ANO6: variants seen among roughly 807,000 people sequenced by gnomAD.
The protein encoded by ANO6 is anoctamin 6, also known as anoctamin-6.
ANO6 carries 106 observed loss-of-function variants against 117.5 expected under a neutral mutation model. The observed-to-expected ratio is 0.90, with a 90% CI of 0.77 to 1.06. ANO6 has a LOEUF of 1.06. Among genes scored for constraint, ANO6 ranks in the 50% least tolerant of loss-of-function variants. The pLI, the probability that ANO6 is intolerant of heterozygous loss-of-function variation, is 0.00. For missense variants in ANO6, 955 were observed against 1,121.1 expected (o/e 0.85, Z 2.12); for synonymous variants, 367 against 385.1 (o/e 0.95, Z 0.55).
chr12:45,293,854 A>T (rs1278162736), intron 1 of ANO6, among the ~76,000 whole-genome samples: 9 of 146,230 alleles, frequency 6.2e-5, no homozygotes, highest in Non-Finnish European at 1.3e-4. Flanking sequence ...AAGTGCTGGG[A>T]TTACAAGCGT....
At chr12:45,415,653 C>T (rs1242577873) in intron 16 of ANO6, among the ~76,000 whole-genome samples, 1 of 152,254 alleles carries the variant, frequency 6.6e-6, no homozygotes, top group African/African-American at 2.4e-5. Context: ...AGTGTTCCTG[C>T]CTGGCCTGTG....
chr12:45,233,226 T>A (rs1472649792), intron 1 of ANO6, among the ~76,000 whole-genome samples: 1 of 152,210 alleles, frequency 6.6e-6, no homozygotes, highest in Admixed American at 6.5e-5. Context: ...TCTCTCAATA[T>A]TTGTTGCCCA....
chr12:45,315,299 T>C (rs1005377490), intron 2 of ANO6, among the ~76,000 whole-genome samples: 2 of 151,956 alleles, frequency 1.3e-5, no homozygotes, highest in Non-Finnish European at 2.9e-5. Flanking sequence ...AGCACCACTG[T>C]AGAGGGAGTA....
intron 1 of ANO6, among the ~76,000 whole-genome samples, chr12:45,257,046 T>TAA (rs200042367): frequency 1.3e-5 from 2 of 148,412 alleles, no homozygotes; most frequent in African/African-American, 4.9e-5. Flanking sequence ...ACCTTTGAAT[T>TAA]AAAAAAAAAA....
chr12:45,221,067 G>A (rs985617447), intron 1 of ANO6, among the ~76,000 whole-genome samples: 1 of 151,960 alleles, frequency 6.6e-6, no homozygotes, highest in Non-Finnish European at 1.5e-5. Context: ...AGTGGGGGGG[G>A]GCAGCCTTGT....
At chr12:45,407,696 G>A (rs1942978109) in intron 15 of ANO6, among the ~76,000 whole-genome samples, 1 of 152,126 alleles carries the variant, frequency 6.6e-6, no homozygotes, top group African/African-American at 2.4e-5. Flanking sequence ...CTCAGCCAGT[G>A]CAGCCTGTAT....
At chr12:45,407,152 C>G (rs1408978308) in intron 15 of ANO6, among the ~76,000 whole-genome samples, 1 of 152,094 alleles carries the variant, frequency 6.6e-6, no homozygotes, top group Non-Finnish European at 1.5e-5. Context: ...CTCAGGAAAA[C>G]CAAACAAGAG....
intron 2 of ANO6, among the ~76,000 whole-genome samples, chr12:45,319,813 G>C (rs6582543): frequency 0.92 from 140,764 of 152,202 alleles, 66,076 homozygotes; most frequent in East Asian, 1. Context: ...TTGATCTATT[G>C]AGCGATTCAA....
intron 15 of ANO6, among the ~76,000 whole-genome samples, chr12:45,404,881 C>T (rs1329797905): frequency 1.3e-5 from 2 of 152,182 alleles, no homozygotes; most frequent in Non-Finnish European, 2.9e-5. Context: ...TCTTCTCCTA[C>T]TCCTGGCTTT....
Position 45,368,378 on chromosome 12 carries a change from A to T in ANO6, c.1104+585A>T, listed in dbSNP as rs539662700. Among the ~76,000 whole-genome samples the T allele has an allele frequency of 8.5e-5, 13 of 152,346 alleles. No individual in the cohort carries two copies. The East Asian group carries it at 1.3e-3, about 16-fold the overall frequency. ...CTGTACTTCTGTTTTCCCCCTTTCA[A>T]CATATGCCAAAACTATGCTTAGATT... On this transcript the variant is annotated intron_variant, in intron 9 of 19. Transcript: ENST00000320560.
Position 45,216,201 on chromosome 12 carries a change from C to G in ANO6, c.-121C>G, listed in dbSNP as rs1235249396. ...CCGGCGCTGGCTGGGCTCAGCGGCC[C>G]CTGAGCCCAAGCGACACACGCCCCG... is the stretch of plus-strand genomic sequence containing the variant. On this transcript the variant is annotated 5_prime_UTR_variant, in exon 1 of 20. Coordinates refer to ENST00000320560, the MANE Select transcript of ANO6 (RefSeq NM_001025356.3). 9 of 1,187,224 alleles carry G rather than the reference C, an allele frequency of 7.6e-6. No homozygotes were observed. The highest frequency in any genetic ancestry group is 1.3e-5 in the South Asian group (1 of 75,188). 73.5% of individuals were successfully genotyped at this position (1,187,224 alleles called of 1,614,324 possible). A position where few individuals can be genotyped will look rare whatever the true frequency, so the allele number is the denominator to read the frequency against.
At chr12:45,367,438 C>T (rs1941714557) in intron 8 of ANO6, among the ~76,000 whole-genome samples, 1 of 152,210 alleles carries the variant, frequency 6.6e-6, no homozygotes, top group African/African-American at 2.4e-5. Flanking sequence ...CAGAGACCTC[C>T]AGCTGAAAAG....
At chr12:45,411,363 T>C (rs967857763) in intron 16 of ANO6, among the ~76,000 whole-genome samples, 5 of 152,222 alleles carry the variant, frequency 3.3e-5, no homozygotes, top group African/African-American at 1.2e-4. Flanking sequence ...ATTAGGTTGT[T>C]TTCCTGTTAT....
intron 12 of ANO6, among the ~76,000 whole-genome samples, chr12:45,391,013 C>G (rs139614061): frequency 1.3e-5 from 2 of 151,848 alleles, no homozygotes; most frequent in South Asian, 4.2e-4. Context: ...CCCAGCTACT[C>G]GGGAGGCTGA....
chr12:45,337,249 C>T (rs1038532827), intron 3 of ANO6, among the ~76,000 whole-genome samples: 4 of 152,120 alleles, frequency 2.6e-5, no homozygotes, highest in African/African-American at 9.6e-5. Context: ...ATGATAACTG[C>T]CCTAAACTGG....
intron 1 of ANO6, among the ~76,000 whole-genome samples, chr12:45,216,859 G>A (rs907061607): frequency 1.3e-5 from 2 of 152,198 alleles, no homozygotes. Flanking sequence ...GCCGACCGAC[G>A]GCTCTGGGAG....
intron 1 of ANO6, among the ~76,000 whole-genome samples, chr12:45,285,804 G>A (rs1278129549): frequency 6.6e-6 from 1 of 152,172 alleles, no homozygotes; most frequent in Non-Finnish European, 1.5e-5. Flanking sequence ...GGGATGGTCT[G>A]GAGAGGAGGT....
In ANO6 at chr12:45,403,055, CT is replaced by C; in HGVS notation, c.1613-14del. ...TTCACAATTTTAAAATCTTATTTCT[CT>C]TTCTTTTAACTACAGAACTCCCAAG... On this transcript the variant is annotated splice_polypyrimidine_tract_variant and intron_variant, in intron 13 of 19. Coordinates refer to ENST00000320560, the MANE Select transcript of ANO6 (RefSeq NM_001025356.3). 1 of 1,612,756 alleles carries C rather than the reference CT, an allele frequency of 6.2e-7. No homozygotes were observed. The highest frequency in any genetic ancestry group is 8.5e-7 in the Non-Finnish European group (1 of 1,179,062).
intron 2 of ANO6, among the ~76,000 whole-genome samples, chr12:45,303,295 A>T (rs936146415): frequency 1.3e-5 from 2 of 152,252 alleles, no homozygotes; most frequent in African/African-American, 4.8e-5. Context: ...ATATTCCTGC[A>T]TCTTAAAGTA....
Sources: gnomAD v4.1 joint callset for allele counts (sites outside exome capture counted in the v4.1 genomes callset) on GRCh38, gnomAD v4.1.1 for gene constraint, MANE v1.5 for transcripts, NCBI Gene and HGNC (gene_info 2026-07-23, HGNC 2026-07-21) for gene names.